ANKFN1: variants seen among roughly 807,000 people sequenced by gnomAD.
The protein encoded by ANKFN1 is ankyrin repeat and fibronectin type-III domain-containing protein 1.
Under a neutral mutation model 108.7 loss-of-function variants are expected in ANKFN1, and 74 were observed. The ratio of observed to expected loss-of-function variants is 0.68; its 90% CI spans 0.56 to 0.83. The LOEUF (loss-of-function observed/expected upper bound fraction) is 0.83. ANKFN1 is among the 40% of genes least tolerant of loss of function. The pLI is 0.00. For synonymous variants in ANKFN1, 547 were observed against 516.2 expected, an observed-to-expected ratio of 1.06 and a Z score of -0.81; for missense variants, 1,505 against 1,382.3, an observed-to-expected ratio of 1.09 and a Z score of -1.41.
At chr17:56,269,366 T>A (rs1598330758) in intron 3 of ANKFN1, among the ~76,000 whole-genome samples, 1 of 152,246 alleles carries the variant, frequency 6.6e-6, no homozygotes, top group East Asian at 1.9e-4. Context: ...ATATGTGTTC[T>A]GCAATTTACA....
chr17:56,232,058 T>C (rs561130273), intron 3 of ANKFN1, among the ~76,000 whole-genome samples: 2 of 152,232 alleles, frequency 1.3e-5, no homozygotes, highest in African/African-American at 4.8e-5. Context: ...TTATCCCTTC[T>C]GGAGCAGCTC....
chr17:56,279,321 A>G (rs1049012000), intron 3 of ANKFN1, among the ~76,000 whole-genome samples: 5 of 152,190 alleles, frequency 3.3e-5, no homozygotes, highest in African/African-American at 9.6e-5. Flanking sequence ...ATGCTGAGCA[A>G]TGTTCTTTTT....
chr17:56,286,232 T>A (rs2044213449), intron 3 of ANKFN1, among the ~76,000 whole-genome samples: 1 of 152,164 alleles, frequency 6.6e-6, no homozygotes, highest in Non-Finnish European at 1.5e-5. Flanking sequence ...AACTATGATG[T>A]TATCCTGGAG....
At chr17:56,049,000 GT>G (rs1904728140) in intron 4 of ANKFN1, among the ~76,000 whole-genome samples, 1 of 152,228 alleles carries the variant, frequency 6.6e-6, no homozygotes, top group African/African-American at 2.4e-5. Flanking sequence ...GATCTCACAA[GT>G]GCATGTGCTT....
At position 56,418,784 on chromosome 17, in the gene ANKFN1, T is replaced by C. The variant is rs367769563; in HGVS notation, c.911-21543T>C. Among the ~76,000 whole-genome samples the C allele has an allele frequency of 1.2e-4, 17 of 147,398 alleles. 3 individuals are homozygous for C. The highest frequency in any genetic ancestry group is 9.4e-4 in the Admixed American group (14 of 14,870). ...AGTTCATTATATTTCCCCTACAGCA[T>C]ACTACTTTCTAAGTTAAAAAAAAAA... On this transcript the variant is annotated intron_variant, in intron 8 of 20. Transcript: ENST00000682825.
rs985602642 is a variant in ANKFN1, at chr17:56,282,236, A to G, written c.54-43985A>G. 5.9e-5 allele frequency among the ~76,000 whole-genome samples: 9 copies of G among 152,208 alleles called. No individual in the cohort carries two copies. The South Asian group carries it at 1.9e-3, about 32-fold the overall frequency. ...CTAGACACAAAAGTATGCATACAGT[A>G]TGAGTGCATTTATATAATAATAAAA... On this transcript the variant is annotated intron_variant, in intron 3 of 20. Coordinates refer to ENST00000682825, the MANE Select transcript of ANKFN1 (RefSeq NM_001370326.1).
chr17:56,433,121 T>C (rs555467619), intron 8 of ANKFN1, among the ~76,000 whole-genome samples: 202 of 152,260 alleles, frequency 1.3e-3, no homozygotes, highest in African/African-American at 4.6e-3. Context: ...CAAATAATAA[T>C]AAAACACACA....
At chr17:56,356,595 T>C (rs193170308) in intron 6 of ANKFN1, among the ~76,000 whole-genome samples, 1 of 152,328 alleles carries the variant, frequency 6.6e-6, no homozygotes, top group East Asian at 1.9e-4. Flanking sequence ...TTCAGTAGGA[T>C]TTGAGCTCTT....
intron 4 of ANKFN1, among the ~76,000 whole-genome samples, chr17:56,052,880 A>T (rs551375163): frequency 6.6e-6 from 1 of 152,210 alleles, no homozygotes; most frequent in African/African-American, 2.4e-5. Flanking sequence ...AAAGGGTCTC[A>T]TGCCACTTGA....
intron 4 of ANKFN1, among the ~76,000 whole-genome samples, chr17:56,061,270 T>TC (rs1243228285): frequency 8.2e-6 from 1 of 122,502 alleles, no homozygotes; most frequent in Non-Finnish European, 1.6e-5. Context: ...TTTTTCTTTT[T>TC]TTTTTTTTTT....
intron 3 of ANKFN1, among the ~76,000 whole-genome samples, chr17:56,268,272 A>C (rs551080635): frequency 6.6e-6 from 1 of 152,312 alleles, no homozygotes; most frequent in East Asian, 1.9e-4. Flanking sequence ...AATCAATACC[A>C]AAATATCTCA....
chr17:56,455,655 T>G (rs1289652079), intron 11 of ANKFN1, among the ~76,000 whole-genome samples: 1 of 152,228 alleles, frequency 6.6e-6, no homozygotes, highest in African/African-American at 2.4e-5. Context: ...AAATCAGTGA[T>G]TATGTAGCCC....
chr17:56,411,230 A>G (rs905229272), intron 8 of ANKFN1, among the ~76,000 whole-genome samples: 1 of 152,150 alleles, frequency 6.6e-6, no homozygotes, highest in Non-Finnish European at 1.5e-5. Flanking sequence ...GGTTAGATTT[A>G]CTGCTACATA....
At chr17:56,264,635 C>T (rs539637700) in intron 3 of ANKFN1, among the ~76,000 whole-genome samples, 2 of 152,276 alleles carry the variant, frequency 1.3e-5, no homozygotes, top group South Asian at 4.1e-4. Flanking sequence ...CTCTTCCATA[C>T]TCACAGCTCT....
At chr17:56,395,786 T>C (rs1323734672) in intron 8 of ANKFN1, among the ~76,000 whole-genome samples, 2 of 151,888 alleles carry the variant, frequency 1.3e-5, no homozygotes, top group Admixed American at 6.6e-5. Context: ...AAGGTGGAGG[T>C]TGCTGTGAGC....
chr17:56,186,136 G>A (rs1214518154), intron 1 of ANKFN1, among the ~76,000 whole-genome samples: 3 of 152,138 alleles, frequency 2.0e-5, no homozygotes, highest in Non-Finnish European at 4.4e-5. Context: ...AAGTTTGGAG[G>A]GGGGTGGGTA....
chr17:56,415,863 G>A (rs1478706390), intron 8 of ANKFN1, among the ~76,000 whole-genome samples: 3 of 152,064 alleles, frequency 2.0e-5, no homozygotes, highest in African/African-American at 4.8e-5. Flanking sequence ...CATAAAAACA[G>A]ACACATAGAC....
At chr17:56,467,806 G>A (rs868796225) in intron 15 of ANKFN1, among the ~76,000 whole-genome samples, 1,933 of 35,538 alleles carry the variant, frequency 0.054, 51 homozygotes, top group Admixed American at 0.078. Context: ...AAGAAAGAAA[G>A]AAAGAAAGAA....
intron 4 of ANKFN1, among the ~76,000 whole-genome samples, chr17:56,146,791 C>A (rs186589207): frequency 6.6e-6 from 1 of 152,336 alleles, no homozygotes; most frequent in East Asian, 1.9e-4. Flanking sequence ...TCTGACATGC[C>A]CTGGAGACAT....
Sources: gnomAD v4.1 joint callset for allele counts (sites outside exome capture counted in the v4.1 genomes callset) on GRCh38, gnomAD v4.1.1 for gene constraint, MANE v1.5 for transcripts, NCBI Gene and HGNC (gene_info 2026-07-23, HGNC 2026-07-21) for gene names.